GMPS: variants seen among roughly 807,000 people sequenced by gnomAD.
GMPS encodes the protein guanosine monophosphate synthase.
GMPS carries 15 observed loss-of-function variants against 77.9 expected under a neutral mutation model. That is an observed-to-expected ratio of 0.19 (90% CI 0.13 to 0.30). The LOEUF is 0.30. GMPS is among the 10% of genes least tolerant of loss of function. GMPS has a pLI of 1.00. For synonymous variants in GMPS, 224 were observed against 275.9 expected (o/e 0.81, Z 1.86); for missense variants, 590 against 838.8 (o/e 0.70, Z 3.66).
At chr3:155,870,607 C>G, upstream of GMPS, 3 of 445,438 alleles carry the variant, frequency 6.7e-6, no homozygotes, top group Non-Finnish European at 8.1e-6. Context: ...CGGGCTCTGG[C>G]TCCTCCCAGT....
intron 7 of GMPS, among the ~76,000 whole-genome samples, chr3:155,911,674 C>G (rs1350047710): frequency 6.6e-6 from 1 of 151,762 alleles, no homozygotes; most frequent in African/African-American, 2.4e-5. Flanking sequence ...CCCATCTCTA[C>G]TAAAAATACA....
At chr3:155,898,157 C>T (rs2108081515) in intron 3 of GMPS, 116 bp downstream of exon 3, 1 of 703,996 alleles carries the variant, frequency 1.4e-6, no homozygotes, top group East Asian at 2.5e-5. Context: ...GATGAGATAA[C>T]TTGTGCATGT....
At position 155,871,253 on chromosome 3, in the gene GMPS, G is replaced by A. The variant is rs1440552831; in HGVS notation, c.27+356G>A. On this transcript the variant is annotated intron_variant, in intron 1 of 15. Coordinates refer to ENST00000496455, the MANE Select transcript of GMPS (RefSeq NM_003875.3). ...GCGGCGAGCGGGCTTGTGTGTCTGC[G>A]TGTCGGGGTGGGGGCTTCCTCGGCT... Among the ~76,000 whole-genome samples the A allele has an allele frequency of 3.9e-5, 6 of 152,002 alleles. No homozygotes were observed. The East Asian group carries it at 9.7e-4, about 25-fold the overall frequency.
At chr3:155,916,496 T>C (rs1026134249) in intron 9 of GMPS, among the ~76,000 whole-genome samples, 2 of 152,234 alleles carry the variant, frequency 1.3e-5, no homozygotes, top group African/African-American at 4.8e-5. Flanking sequence ...TTTGGGCATT[T>C]TATATAAATG....
At chr3:155,877,752 TC>T (rs1754086326) in intron 1 of GMPS, among the ~76,000 whole-genome samples, 1 of 151,780 alleles carries the variant, frequency 6.6e-6, no homozygotes, top group Non-Finnish European at 1.5e-5. Context: ...AGGGCCCACT[TC>T]CTGGGTCATA....
chr3:155,914,325 G>T, intron 7 of GMPS, 94 bp from the exon 8 acceptor site: 1 of 913,636 alleles, frequency 1.1e-6, no homozygotes, highest in South Asian at 2.4e-5. Flanking sequence ...TTCAGACTGG[G>T]AAAGAAATAG....
At chr3:155,885,655 G>A (rs2108061364) in intron 1 of GMPS, among the ~76,000 whole-genome samples, 1 of 152,206 alleles carries the variant, frequency 6.6e-6, no homozygotes, top group South Asian at 2.1e-4. Context: ...TTTAGATTTT[G>A]GATTTTGGAG....
intron 12 of GMPS, 82 bp from the exon 13 acceptor site, chr3:155,931,683 T>TAAAAA (rs60448476): frequency 3.0e-5 from 12 of 399,040 alleles, no homozygotes; most frequent in African/African-American, 6.7e-5. Flanking sequence ...CTTTTTTTTT[T>TAAAAA]AAAAAAAAAA....
At chr3:155,897,388 T>A (rs931549996) in intron 2 of GMPS, among the ~76,000 whole-genome samples, 2 of 152,208 alleles carry the variant, frequency 1.3e-5, no homozygotes, top group African/African-American at 4.8e-5. Flanking sequence ...ACTAGCTCCC[T>A]TTCCTGGGCT....
Position 155,931,809 on chromosome 3 carries a change from A to G in GMPS, c.1605A>G (p.Lys535=). The G allele has an allele frequency of 1.3e-6, 2 of 1,593,056 alleles. No homozygotes were observed. The highest frequency in any genetic ancestry group is 1.7e-6 in the Non-Finnish European group (2 of 1,161,150). ...SYSYVCGISS[K]DEPDWESLIF... ...GTTACGTGTGTGGAATCTCCAGTAA[A>G]GATGAACCTGACTGGGAATCACTTA... Residue 535 remains lysine (K), a synonymous_variant, in exon 13 of 16, where the codon AAA becomes AAG. Coordinates refer to ENST00000496455, the MANE Select transcript of GMPS (RefSeq NM_003875.3).
chr3:155,930,041 C>T (rs1457764994), intron 12 of GMPS, among the ~76,000 whole-genome samples: 7 of 143,196 alleles, frequency 4.9e-5, no homozygotes, highest in East Asian at 2.1e-4. Context: ...AAAAAGAGCC[C>T]GCATCGCCAA....
At chr3:155,895,310 T>A (rs970978406) in intron 2 of GMPS, 3 of 152,092 alleles carry the variant, frequency 2.0e-5, no homozygotes, top group African/African-American at 4.8e-5. Context: ...TTATTTTTTT[T>A]TTATTATTTT....
chr3:155,913,623 G>C (rs181759358), intron 7 of GMPS, among the ~76,000 whole-genome samples: 2 of 151,184 alleles, frequency 1.3e-5, no homozygotes, highest in Admixed American at 1.3e-4. Flanking sequence ...CCAGGTTTAA[G>C]CAATTCTCTT....
At chr3:155,928,693 C>A (rs1436630512) in intron 12 of GMPS, among the ~76,000 whole-genome samples, 5 of 113,054 alleles carry the variant, frequency 4.4e-5, no homozygotes, top group South Asian at 4.0e-4. Context: ...CCCCTCCCCC[C>A]ACCCCACCAC....
rs1205603925 is a variant in GMPS, at chr3:155,942,530, T to TCATAA, written c.*4839_*4840insATAAC. The TCATAA allele has an allele frequency of 4.4e-6, 1 of 227,802 alleles. No individual in the cohort carries two copies. The highest frequency in any genetic ancestry group is 2.2e-5 in the African/African-American group (1 of 45,154). The allele number at this position is 227,802 out of a possible 1,614,324, so 14.1% of individuals were successfully genotyped here. ...GCCATAGAGATGGTCTTGCTGAAGG[T>TCATAA]CTTATAGCTAAATTAGTTCAGATCC... On this transcript the variant is annotated 3_prime_UTR_variant, in exon 16 of 16. Coordinates refer to ENST00000496455, the MANE Select transcript of GMPS (RefSeq NM_003875.3).
intron 7 of GMPS, among the ~76,000 whole-genome samples, chr3:155,911,780 A>G (rs1755043361): frequency 6.6e-6 from 1 of 151,550 alleles, no homozygotes; most frequent in Non-Finnish European, 1.5e-5. Flanking sequence ...TGGAGGCTGC[A>G]GTAAGCAGAG....
rs1288857220 is a variant in GMPS at position 155,919,215 on chromosome 3, C to T, written c.1213-18C>T. On this transcript the variant is annotated intron_variant, in intron 9 of 15. Coordinates refer to ENST00000496455, the MANE Select transcript of GMPS (RefSeq NM_003875.3). ...TTGGTTACTAGTTTATATTGGTTGG[C>T]TTCTTTCCTCCCTGTAGGGAAAAGT... 2.5e-6 allele frequency: 3 copies of T among 1,179,704 alleles called. No homozygotes were observed. The South Asian group carries it at 4.0e-5, about 16-fold the overall frequency. The allele number at this position is 1,179,704 out of a possible 1,614,324, so 73.1% of individuals were successfully genotyped here. A position where few individuals can be genotyped will look rare whatever the true frequency, so the allele number is the denominator to read the frequency against.
At chr3:155,937,420 C>A (rs1266611053) in intron 15 of GMPS, among the ~76,000 whole-genome samples, 171 bp from the exon 16 acceptor site, 1 of 152,132 alleles carries the variant, frequency 6.6e-6, no homozygotes. Context: ...TACACCTATC[C>A]CTGCAGAGGG....
At chr3:155,937,465 A>G (rs1755789935) in intron 15 of GMPS, 126 bp from the exon 16 acceptor site, 5 of 617,336 alleles carry the variant, frequency 8.1e-6, no homozygotes, top group Non-Finnish European at 1.5e-5. Flanking sequence ...ATCAGAAACC[A>G]TCCCATATAC....
Sources: gnomAD v4.1 joint callset for allele counts (sites outside exome capture counted in the v4.1 genomes callset) on GRCh38, gnomAD v4.1.1 for gene constraint, MANE v1.5 for transcripts, NCBI Gene and HGNC (gene_info 2026-07-23, HGNC 2026-07-21) for gene names.